The following MMAA variants were observed in gnomAD, a reference collection of about 807,000 sequenced individuals.
The protein encoded by MMAA is metabolism of cobalamin associated A, also known as methylmalonic aciduria type A protein, mitochondrial.
In MMAA, 41 loss-of-function variants were observed where a neutral mutation model predicts 45.0. The ratio of observed to expected loss-of-function variants is 0.91; its 90% confidence interval spans 0.71 to 1.18. The LOEUF is 1.18. MMAA is among the 50% of genes most tolerant of loss of function. The pLI is 0.00. For synonymous variants in MMAA, 154 were observed against 178.2 expected (o/e 0.86, Z 1.08); for missense variants, 460 against 495.7 (o/e 0.93, Z 0.68).
intron 1 of MMAA, among the ~76,000 whole-genome samples, chr4:145,619,693 T>C (rs1209500003): frequency 6.6e-6 from 1 of 152,174 alleles, no homozygotes; most frequent in Non-Finnish European, 1.5e-5. Context: ...GTTAGGTTTC[T>C]CAGGTTATCT....
At chr4:145,628,223 A>AT (rs1186701338) in intron 1 of MMAA, among the ~76,000 whole-genome samples, 1 of 152,284 alleles carries the variant, frequency 6.6e-6, no homozygotes, top group East Asian at 1.9e-4. Context: ...TTTAAAAAAG[A>AT]TTTTTTTGGT....
intron 3 of MMAA, 34 bp downstream of exon 3, chr4:145,642,519 G>T (rs774324201): frequency 6.2e-7 from 1 of 1,613,392 alleles, no homozygotes; most frequent in Admixed American, 1.7e-5. Flanking sequence ...AATTGCAGAG[G>T]TCTGGGGGCT....
chr4:145,650,462 A>G (rs1728059443), intron 4 of MMAA: 2 of 157,248 alleles, frequency 1.3e-5, no homozygotes, highest in Non-Finnish European at 1.4e-5. Flanking sequence ...AAGCGGGGAG[A>G]TTATGGGACA....
intron 1 of MMAA, among the ~76,000 whole-genome samples, chr4:145,621,948 A>T (rs148639451): frequency 1.3e-5 from 2 of 152,238 alleles, no homozygotes; most frequent in Non-Finnish European, 2.9e-5. Context: ...AAAAAAATGT[A>T]CATTTTAGAA....
chr4:145,636,560 T>C (rs755511301), intron 1 of MMAA, among the ~76,000 whole-genome samples: 1 of 152,248 alleles, frequency 6.6e-6, no homozygotes. Context: ...TCTGCCTTAC[T>C]GAATTTCTTA....
intron 5 of MMAA, among the ~76,000 whole-genome samples, 161 bp downstream of exon 5, chr4:145,651,308 T>C (rs975110848): frequency 1.3e-5 from 2 of 152,212 alleles, no homozygotes; most frequent in Non-Finnish European, 2.9e-5. Context: ...ATTCTCTATA[T>C]TTTTTCCTAA....
intron 1 of MMAA, among the ~76,000 whole-genome samples, chr4:145,623,077 A>G (rs1009427899): frequency 6.6e-6 from 1 of 152,262 alleles, no homozygotes; most frequent in African/African-American, 2.4e-5. Context: ...GCATGGACAT[A>G]ACTTTAAGGA....
At chr4:145,620,820 T>TA (rs1256660199) in intron 1 of MMAA, among the ~76,000 whole-genome samples, 1 of 152,148 alleles carries the variant, frequency 6.6e-6, no homozygotes, top group African/African-American at 2.4e-5. Flanking sequence ...GGGAAGGATG[T>TA]AAAAGATGAG....
intron 5 of MMAA, among the ~76,000 whole-genome samples, chr4:145,651,477 G>A (rs917962486): frequency 4.6e-5 from 7 of 152,138 alleles, no homozygotes; most frequent in Non-Finnish European, 7.4e-5. Flanking sequence ...TGGGGAGAGT[G>A]GGATCCCACT....
At chr4:145,646,254 T>C in intron 4 of MMAA, 98 bp downstream of exon 4, 1 of 1,356,190 alleles carries the variant, frequency 7.4e-7, no homozygotes, top group Admixed American at 1.7e-5. Flanking sequence ...AGATATTTGC[T>C]AAATGTATAA....
intron 3 of MMAA, among the ~76,000 whole-genome samples, chr4:145,643,101 C>T (rs1727831703): frequency 6.6e-6 from 1 of 152,168 alleles, no homozygotes; most frequent in African/African-American, 2.4e-5. Flanking sequence ...ATTTGCAGCT[C>T]ATCAGCGATA....
Position 145,644,202 on chromosome 4 carries a change from T to A in MMAA, c.562+1717T>A, listed in dbSNP as rs565226014. 2.0e-5 allele frequency among the ~76,000 whole-genome samples: 3 copies of A among 152,352 alleles called. No homozygotes were observed. In the East Asian group the frequency reaches 5.8e-4, roughly 29 times the overall value. ...TTCTGGCTAAGACATAGGAAAGTAA[T>A]TTCCTAATGTTTACTTCAGTGTGAT... On this transcript the variant is annotated intron_variant, in intron 3 of 6. Coordinates refer to ENST00000649156, the MANE Select transcript of MMAA (RefSeq NM_172250.3).
At chr4:145,625,548 G>A (rs1734182149) in intron 1 of MMAA, 2 of 755,460 alleles carry the variant, frequency 2.6e-6, no homozygotes, top group Admixed American at 3.4e-5. Flanking sequence ...CAAGTGCTCA[G>A]AAATTTGAAT....
chr4:145,628,886 G>T (rs1734261222), intron 1 of MMAA, among the ~76,000 whole-genome samples: 2 of 151,836 alleles, frequency 1.3e-5, no homozygotes, highest in Non-Finnish European at 2.9e-5. Context: ...GTTATTCTAT[G>T]TGTGTGTGTG....
In MMAA at chr4:145,657,966, A is replaced by T. The variant is rs1205430822; in HGVS notation, c.*2532A>T. ...AGATCTCTCATGAATGACTTGGGCC[A>T]TCCTTTGGGTGGTAAGTGAGCTCTT... On this transcript the variant is annotated 3_prime_UTR_variant, in exon 7 of 7. Coordinates refer to ENST00000649156, the MANE Select transcript of MMAA (RefSeq NM_172250.3). 2 of 152,228 alleles carry T rather than the reference A, an allele frequency of 1.3e-5. No individual in the cohort carries two copies. Among genetic ancestry groups the T allele is most frequent in the African/African-American group, 2.4e-5 (1 of 41,442 alleles). 9.4% of individuals were successfully genotyped at this position (152,228 alleles called of 1,614,324 possible).
intron 2 of MMAA, among the ~76,000 whole-genome samples, chr4:145,641,983 C>G (rs752422786): frequency 6.6e-6 from 1 of 152,056 alleles, no homozygotes; most frequent in South Asian, 2.1e-4. Flanking sequence ...AAGAAGTATA[C>G]AGAACTGAGG....
chr4:145,642,464 CCTT>C lies in MMAA; in HGVS notation c.548_550del (p.Ser183del), dbSNP rs748291856. The C allele has an allele frequency of 2.5e-6, 4 of 1,613,922 alleles. No homozygotes were observed. Among genetic ancestry groups the C allele is most frequent in the East Asian group, 2.2e-5 (1 of 44,880 alleles). On this transcript the variant is annotated inframe_deletion, in exon 3 of 7. Coordinates refer to ENST00000649156, the MANE Select transcript of MMAA (RefSeq NM_172250.3). ...CAAATTATCTGTGCTAGCTGTGGAC[CCTT>C]CTTCTTGTACTAGTGGTGGTAAGTA...
intron 1 of MMAA, among the ~76,000 whole-genome samples, chr4:145,638,475 A>G (rs1727685734): frequency 6.6e-6 from 1 of 152,258 alleles, no homozygotes; most frequent in African/African-American, 2.4e-5. Context: ...ATAAGCACCC[A>G]GGTGGCTCTG....
At chr4:145,640,265 A>G (rs1727743466) in intron 2 of MMAA, among the ~76,000 whole-genome samples, 1 of 152,016 alleles carries the variant, frequency 6.6e-6, no homozygotes, top group African/African-American at 2.4e-5. Context: ...GGCATGCACT[A>G]CCATGCCCAG....
Sources: gnomAD v4.1 joint callset for allele counts (sites outside exome capture counted in the v4.1 genomes callset) on GRCh38, gnomAD v4.1.1 for gene constraint, MANE v1.5 for transcripts, NCBI Gene and HGNC (gene_info 2026-07-23, HGNC 2026-07-21) for gene names.